The following MEGF6 variants were observed in gnomAD, a reference collection of about 807,000 sequenced individuals.
MEGF6 encodes the protein multiple EGF like domains 6.
MEGF6 carries 184 observed loss-of-function variants against 207.1 expected under a neutral mutation model. The observed-to-expected ratio is 0.89, with a 90% CI of 0.79 to 1.00. The LOEUF (loss-of-function observed/expected upper bound fraction) is 1.00. Among genes scored for constraint, MEGF6 ranks in the 50% least tolerant of loss-of-function variants. The probability of loss-of-function intolerance (pLI) is 0.00; values close to 1 mark genes in which losing one functional copy is unlikely to be tolerated. For missense variants in MEGF6, 2,282 were observed against 2,202.9 expected, an observed-to-expected ratio of 1.04 and a Z score of -0.72; for synonymous variants, 1,038 against 910.0, an observed-to-expected ratio of 1.14 and a Z score of -2.53.
chr1:3,558,519 C>T (rs2821062), intron 4 of MEGF6, among the ~76,000 whole-genome samples: 49,944 of 152,014 alleles, frequency 0.33, 8,475 homozygotes, highest in African/African-American at 0.39. Flanking sequence ...TACCCCCTTC[C>T]TGCCCCGACT....
intron 29 of MEGF6, 103 bp downstream of exon 29, chr1:3,496,552 G>A: frequency 1.3e-6 from 2 of 1,502,610 alleles, no homozygotes; most frequent in Non-Finnish European, 1.8e-6. Flanking sequence ...GGGGCTGAAG[G>A]GCAGGGAGGT....
intron 7 of MEGF6, among the ~76,000 whole-genome samples, chr1:3,513,063 C>T (rs1266185968): frequency 1.3e-5 from 2 of 152,202 alleles, no homozygotes; most frequent in Non-Finnish European, 2.9e-5. Context: ...CACCTGCCTG[C>T]AACCTGACTC....
At chr1:3,596,517 C>CTGCTCCTA in intron 2 of MEGF6, among the ~76,000 whole-genome samples, 1 of 129,314 alleles carries the variant, frequency 7.7e-6, no homozygotes, top group Non-Finnish European at 1.7e-5. Context: ...CGTCTCCACC[C>CTGCTCCTA]CAGGGCACCC....
chr1:3,602,638 C>T (rs1449772093), intron 1 of MEGF6, 38 bp from the exon 2 acceptor site: 2 of 1,572,972 alleles, frequency 1.3e-6, no homozygotes, highest in South Asian at 1.2e-5. Context: ...CCTCGGCCAC[C>T]CCCAGCCGGC....
chr1:3,512,254 G>A, intron 7 of MEGF6, 126 bp from the exon 8 acceptor site: 1 of 1,291,532 alleles, frequency 7.7e-7, no homozygotes. Context: ...AGGCATTCAA[G>A]GCCAATCCCA....
chr1:3,613,140 T>C (rs766084961), upstream of MEGF6, among the ~76,000 whole-genome samples: 2 of 152,194 alleles, frequency 1.3e-5, no homozygotes, highest in Non-Finnish European at 2.9e-5. Context: ...GGTGCCCCCG[T>C]TGCTGATGCT....
Position 3,490,508 on chromosome 1 carries a change from G to C in MEGF6, c.*20C>G. On this transcript the variant is annotated 3_prime_UTR_variant, in exon 37 of 37. Transcript: ENST00000356575. ...CCTCTGGCTGGGACTGGAGAGGCGG[G>C]CTCCACGGGACTGCCTCTACTAGTG... 6.2e-7 allele frequency: 1 copy of C among 1,611,928 alleles called. No individual in the cohort carries two copies. Among genetic ancestry groups the C allele is most frequent in the Non-Finnish European group, 8.5e-7 (1 of 1,179,428 alleles).
chr1:3,584,481 C>T lies in MEGF6; in HGVS notation c.377-4552G>A, dbSNP rs1258872426. ...TCCTCTCCTCCTTCCTCGCCCACCA[C>T]CCTGGCTCTCCAAAGGTGATCGCTG... On this transcript the variant is annotated intron_variant, in intron 3 of 36. Transcript: ENST00000356575. Among the ~76,000 whole-genome samples, 3 of 152,218 alleles carry T rather than the reference C, an allele frequency of 2.0e-5. No homozygotes were observed. The East Asian group carries it at 5.8e-4, about 29-fold the overall frequency.
intron 4 of MEGF6, among the ~76,000 whole-genome samples, chr1:3,527,230 C>T (rs1217820035): frequency 2.0e-5 from 3 of 152,366 alleles, no homozygotes; most frequent in East Asian, 1.9e-4. Flanking sequence ...AAGCGGCCAG[C>T]GCCAGCACAC....
At chr1:3,519,737 G>C (rs1641674935) in intron 5 of MEGF6, among the ~76,000 whole-genome samples, 1 of 152,232 alleles carries the variant, frequency 6.6e-6, no homozygotes, top group African/African-American at 2.4e-5. Context: ...CAAGCCAACG[G>C]CCTGCCAGCA....
chr1:3,598,691 G>A (rs996336393), intron 2 of MEGF6, among the ~76,000 whole-genome samples: 1 of 150,546 alleles, frequency 6.6e-6, no homozygotes, highest in South Asian at 2.1e-4. Flanking sequence ...GGTTCACGCA[G>A]GGCGGGGGTC....
intron 4 of MEGF6, among the ~76,000 whole-genome samples, chr1:3,568,841 G>A (rs1475163265): frequency 1.3e-5 from 2 of 152,164 alleles, no homozygotes; most frequent in African/African-American, 4.8e-5. Flanking sequence ...AACACAGCCT[G>A]AACCCACAAG....
At chr1:3,616,385 G>A (rs550520171), upstream of MEGF6, among the ~76,000 whole-genome samples, 95 of 152,292 alleles carry the variant, frequency 6.2e-4, no homozygotes, top group African/African-American at 2.0e-3. Context: ...CAAGGTGCCC[G>A]CAGCAGTCCT....
chr1:3,489,835 C>G lies in MEGF6; in HGVS notation c.*693G>C, dbSNP rs1279289789. ...AAGGGCCCCGGGTGCACTGGGAGGT[C>G]CCTGGGTGCACCGTTATGCTGGCCG... On this transcript the variant is annotated 3_prime_UTR_variant, in exon 37 of 37. Transcript: ENST00000356575. The G allele has an allele frequency of 1.3e-5, 2 of 152,354 alleles. No individual in the cohort carries two copies. Among genetic ancestry groups the G allele is most frequent in the African/African-American group, 4.8e-5 (2 of 41,466 alleles). The allele number at this position is 152,354 out of a possible 1,614,324, so 9.4% of individuals were successfully genotyped here. A position where few individuals can be genotyped will look rare whatever the true frequency, so the allele number is the denominator to read the frequency against.
intron 4 of MEGF6, among the ~76,000 whole-genome samples, chr1:3,563,225 A>C (rs1219632032): frequency 6.6e-6 from 1 of 152,100 alleles, no homozygotes; most frequent in Non-Finnish European, 1.5e-5. Flanking sequence ...CTTCATCAAG[A>C]CCATGGTTTC....
At chr1:3,552,191 GA>G (rs1642909050) in intron 4 of MEGF6, among the ~76,000 whole-genome samples, 1 of 152,236 alleles carries the variant, frequency 6.6e-6, no homozygotes, top group Non-Finnish European at 1.5e-5. Context: ...CCCAGGCACA[GA>G]ATGCAAACCT....
intron 29 of MEGF6, among the ~76,000 whole-genome samples, chr1:3,496,371 C>T (rs1248566566): frequency 6.6e-6 from 1 of 152,270 alleles, no homozygotes; most frequent in Non-Finnish European, 1.5e-5. Context: ...ACCTCTGTGC[C>T]TGGCTGTGCT....
intron 5 of MEGF6, among the ~76,000 whole-genome samples, chr1:3,517,535 G>A (rs1002982016): frequency 2.0e-5 from 3 of 152,216 alleles, no homozygotes; most frequent in African/African-American, 7.2e-5. Context: ...AGCTGAACCA[G>A]GCAGATTTTC....
In MEGF6 at chr1:3,490,267, G is replaced by A; in HGVS notation, c.*261C>T. The A allele has an allele frequency of 1.9e-6, 1 of 537,270 alleles. No individual in the cohort carries two copies. Among genetic ancestry groups the A allele is most frequent in the Non-Finnish European group, 3.3e-6 (1 of 306,358 alleles). The allele number at this position is 537,270 out of a possible 1,614,324, so 33.3% of individuals were successfully genotyped here. ...GGAGAGCGGGACTTCCTCAGCCCAG[G>A]CCCAGAGCGTGCCCCTGGGTTCTGC... On this transcript the variant is annotated 3_prime_UTR_variant, in exon 37 of 37. Transcript: ENST00000356575.
Sources: allele counts gnomAD v4.1 joint callset (sites outside exome capture counted in the v4.1 genomes callset), GRCh38; gene constraint gnomAD v4.1.1; transcripts MANE v1.5; gene names NCBI Gene and HGNC (gene_info 2026-07-23, HGNC 2026-07-21).